Variants in TAS2R1 observed in about 807,000 individuals in gnomAD.
TAS2R1 encodes taste receptor type 2 member 1.
For synonymous variants in TAS2R1, 141 were observed against 134.2 expected (o/e 1.05, Z -0.35); for missense variants, 370 against 353.4 (o/e 1.05, Z -0.38).
At chr5:9,690,948 C>T (rs996069379) in intron 1 of TAS2R1, among the ~76,000 whole-genome samples, 3 of 152,140 alleles carry the variant, frequency 2.0e-5, no homozygotes, top group Non-Finnish European at 4.4e-5. Flanking sequence ...CAGGACAAAG[C>T]CCTTCTTTCT....
At chr5:9,726,169 C>T in the TAS2R1 span, among the ~76,000 whole-genome samples, 1 of 151,964 alleles carries the variant, frequency 6.6e-6, no homozygotes, top group Admixed American at 6.5e-5. Flanking sequence ...GTGAACACAC[C>T]AATCAGCACT....
At chr5:9,649,855 G>C (rs1740266652) in intron 2 of TAS2R1, among the ~76,000 whole-genome samples, 1 of 152,148 alleles carries the variant, frequency 6.6e-6, no homozygotes. Flanking sequence ...AAAAGGTTTT[G>C]AGAGGCTACA....
the TAS2R1 span, among the ~76,000 whole-genome samples, chr5:9,739,707 G>T: frequency 6.6e-6 from 1 of 152,230 alleles, no homozygotes; most frequent in Admixed American, 6.5e-5. Context: ...CAACGCTTAC[G>T]CTCTCTTTCT....
chr5:9,661,427 C>G (rs1408233171), intron 1 of TAS2R1, among the ~76,000 whole-genome samples: 1 of 152,182 alleles, frequency 6.6e-6, no homozygotes, highest in Non-Finnish European at 1.5e-5. Flanking sequence ...TGCATGCTCT[C>G]TTTTCTGACA....
At chr5:9,827,233 C>A in the TAS2R1 span, among the ~76,000 whole-genome samples, 1 of 152,164 alleles carries the variant, frequency 6.6e-6, no homozygotes, top group East Asian at 1.9e-4. Flanking sequence ...CTTCCCTTCA[C>A]CTGTCACCTC....
In TAS2R1 at chr5:9,650,864, G is replaced by A. The variant is rs576377914; in HGVS notation, c.-81+8557C>T. ...ATTTTTCTTCGCTGCTATATACCCA[G>A]TAACTAGATGGTGCTTGGCACATGG... On this transcript the variant is annotated intron_variant, in intron 2 of 2. Transcript: ENST00000506620. 1.9e-3 allele frequency among the ~76,000 whole-genome samples: 282 copies of A among 152,222 alleles called. 9 individuals carry two copies. In the South Asian group the frequency reaches 0.056, roughly 30 times the overall value.
the TAS2R1 span, among the ~76,000 whole-genome samples, chr5:9,725,277 C>A: frequency 6.6e-6 from 1 of 152,236 alleles, no homozygotes; most frequent in Admixed American, 6.5e-5. Context: ...AAGGCCGGAG[C>A]CGGCTTCCTC....
the TAS2R1 span, among the ~76,000 whole-genome samples, chr5:9,724,357 T>C: frequency 2.0e-5 from 3 of 151,646 alleles, no homozygotes; most frequent in Admixed American, 2.0e-4. Context: ...TTTTTTTTTT[T>C]TTTTTACTAT....
At chr5:9,876,268 T>G in the TAS2R1 span, among the ~76,000 whole-genome samples, 5 of 151,268 alleles carry the variant, frequency 3.3e-5, no homozygotes, top group African/African-American at 1.2e-4. Context: ...GGTTTAAATA[T>G]GTAGCAATGT....
the TAS2R1 span, among the ~76,000 whole-genome samples, chr5:9,829,900 G>A: frequency 6.6e-6 from 1 of 152,086 alleles, no homozygotes; most frequent in African/African-American, 2.4e-5. Context: ...AATGAATCAT[G>A]GCACAGCAAA....
chr5:9,840,849 ATTTATTTATTTTTTTTT>A, the TAS2R1 span, among the ~76,000 whole-genome samples: 19 of 12,906 alleles, frequency 1.5e-3, no homozygotes, highest in South Asian at 7.6e-3. Context: ...TTATTTATTT[ATTTATTTATTTTTTTTT>A]TTTTTTTTTT....
intron 1 of TAS2R1, among the ~76,000 whole-genome samples, chr5:9,703,692 C>A (rs910053847): frequency 6.6e-6 from 1 of 152,044 alleles, no homozygotes; most frequent in Admixed American, 6.6e-5. Flanking sequence ...AGAACAAAGT[C>A]TTGGGGAACC....
the TAS2R1 span, among the ~76,000 whole-genome samples, chr5:9,748,403 T>C: frequency 6.6e-6 from 1 of 152,182 alleles, no homozygotes; most frequent in Non-Finnish European, 1.5e-5. Flanking sequence ...ATAAAAGAGC[T>C]TGTCTTAGTC....
chr5:9,837,136 T>C, the TAS2R1 span, among the ~76,000 whole-genome samples: 4 of 151,904 alleles, frequency 2.6e-5, no homozygotes, highest in Non-Finnish European at 4.4e-5. Context: ...CTTAGGAAAA[T>C]AGAAATATTG....
At chr5:9,671,819 A>G (rs1740764842) in intron 1 of TAS2R1, among the ~76,000 whole-genome samples, 1 of 152,072 alleles carries the variant, frequency 6.6e-6, no homozygotes, top group South Asian at 2.1e-4. Context: ...ACCAAAAAAG[A>G]GCTCCAATAG....
At chr5:9,883,896 T>C in the TAS2R1 span, 1 of 152,174 alleles carries the variant, frequency 6.6e-6, no homozygotes, top group African/African-American at 2.4e-5. Flanking sequence ...GGGTAATTTA[T>C]AATGAATAGA....
chr5:9,758,581 T>C, the TAS2R1 span, among the ~76,000 whole-genome samples: 4 of 152,094 alleles, frequency 2.6e-5, no homozygotes, highest in Non-Finnish European at 1.5e-5. Flanking sequence ...GATCAACAAA[T>C]TGAAGATAAT....
At chr5:9,771,039 T>C in the TAS2R1 span, among the ~76,000 whole-genome samples, 1 of 152,210 alleles carries the variant, frequency 6.6e-6, no homozygotes, top group African/African-American at 2.4e-5. Flanking sequence ...ATTTGTCGTA[T>C]ATGGCTTGCA....
At chr5:9,894,967 T>C in the TAS2R1 span, among the ~76,000 whole-genome samples, 1 of 152,380 alleles carries the variant, frequency 6.6e-6, no homozygotes, top group Non-Finnish European at 1.5e-5. Context: ...CAGAAAGTGG[T>C]ACACATACAC....
Sources: gnomAD v4.1 joint callset for allele counts (sites outside exome capture counted in the v4.1 genomes callset) on GRCh38, gnomAD v4.1.1 for gene constraint, MANE v1.5 for transcripts, NCBI Gene and HGNC (gene_info 2026-07-23, HGNC 2026-07-21) for gene names.